The following CRHR2 variants were observed in gnomAD, a reference collection of about 807,000 sequenced individuals.
CRHR2 encodes corticotropin-releasing hormone receptor 2.
A neutral mutation model predicts 57.9 loss-of-function variants in CRHR2; 53 were observed. The ratio of observed to expected loss-of-function variants is 0.92; its 90% CI spans 0.73 to 1.15. The LOEUF is 1.15. CRHR2 is among the 50% of genes most tolerant of loss of function. The probability of loss-of-function intolerance (pLI) is 0.00; values close to 1 mark genes in which losing one functional copy is unlikely to be tolerated. For missense variants in CRHR2, 532 were observed against 542.6 expected, an observed-to-expected ratio of 0.98 and a Z score of 0.19; for synonymous variants, 213 against 220.9, an observed-to-expected ratio of 0.96 and a Z score of 0.32.
intron 8 of CRHR2, among the ~76,000 whole-genome samples, chr7:30,659,483 C>T (rs1783912297): frequency 6.6e-6 from 1 of 152,154 alleles, no homozygotes; most frequent in Admixed American, 6.5e-5. Context: ...CATGGGGTTT[C>T]CATACACACT....
At chr7:30,699,838 A>G (rs1186624863) in intron 1 of CRHR2, 1 of 810,362 alleles carries the variant, frequency 1.2e-6, no homozygotes, top group Non-Finnish European at 1.8e-6. Flanking sequence ...AGGATCCCCG[A>G]TCCAGCCCAG....
At chr7:30,672,510 T>C (rs928024704) in intron 2 of CRHR2, among the ~76,000 whole-genome samples, 27 of 152,254 alleles carry the variant, frequency 1.8e-4, no homozygotes, top group African/African-American at 6.0e-4. Context: ...TCATTGAAGG[T>C]AGGAGGCTCA....
rs1180671246 is a variant in CRHR2, at chr7:30,670,353, T to G, written c.230-3040A>C. Reference sequence around the variant, plus strand: ...CTTTGGACCTAATCCTTCTTTTCTTTGCTACTGGACTTGAGCTCCTTGGGG... The same window carrying G: ...CTTTGGACCTAATCCTTCTTTTCTTGGCTACTGGACTTGAGCTCCTTGGGG... On this transcript the variant is annotated intron_variant, in intron 2 of 11. Transcript: ENST00000471646. Among the ~76,000 whole-genome samples the G allele has an allele frequency of 2.0e-5, 3 of 152,216 alleles. No individual in the cohort carries two copies. The East Asian group carries it at 5.8e-4, about 29-fold the overall frequency.
chr7:30,652,467 G>C lies in CRHR2; in HGVS notation c.*993C>G, dbSNP rs1783626963. The stretch of plus-strand genomic sequence containing the variant: ...TCAGAGAGAGAGAGAACTGGCCCGA[G>C]GCCAGGGCCCGAGCCCACTAAGGAA... On this transcript the variant is annotated 3_prime_UTR_variant, in exon 12 of 12. Transcript: ENST00000471646. The surrounding 1 kb of genome is among the most constrained non-coding windows in gnomAD (Gnocchi z 4.4). The C allele has an allele frequency of 6.6e-6, 1 of 152,290 alleles. No individual in the cohort carries two copies. The highest frequency in any genetic ancestry group is 1.5e-5 in the Non-Finnish European group (1 of 68,102). 9.4% of individuals were successfully genotyped at this position (152,290 alleles called of 1,614,324 possible).
At chr7:30,666,021 T>G (rs1210502803) in intron 3 of CRHR2, among the ~76,000 whole-genome samples, 1 of 152,144 alleles carries the variant, frequency 6.6e-6, no homozygotes, top group East Asian at 1.9e-4. Flanking sequence ...CCACTGTGCC[T>G]GGCACCAACA....
At chr7:30,672,652 C>A (rs893916680) in intron 2 of CRHR2, among the ~76,000 whole-genome samples, 1 of 152,230 alleles carries the variant, frequency 6.6e-6, no homozygotes, top group Admixed American at 6.5e-5. Context: ...GGTAGGCTGA[C>A]CCAGCTGCCA....
At chr7:30,680,228 A>G (rs1049102225) in intron 2 of CRHR2, among the ~76,000 whole-genome samples, 1 of 151,726 alleles carries the variant, frequency 6.6e-6, no homozygotes, top group Admixed American at 6.6e-5. Context: ...GTCTGTTGCA[A>G]TTGTGAGTGA....
chr7:30,695,684 C>G (rs552330819), intron 1 of CRHR2, among the ~76,000 whole-genome samples: 7 of 152,298 alleles, frequency 4.6e-5, no homozygotes, highest in Admixed American at 4.6e-4. Flanking sequence ...GCATAAAAGT[C>G]ACATCTCTTC....
chr7:30,672,169 C>A (rs982407306), intron 2 of CRHR2, among the ~76,000 whole-genome samples: 1 of 152,200 alleles, frequency 6.6e-6, no homozygotes, highest in Non-Finnish European at 1.5e-5. Flanking sequence ...TAATTCATGC[C>A]CCTTTTCAAG....
Position 30,655,079 on chromosome 7 carries a change from C to A in CRHR2, c.1055G>T (p.Gly352Val), listed in dbSNP as rs776658451. Residue 352 changes from glycine to valine, a missense_variant and splice_region_variant, in exon 11 of 12, where the codon GGT (glycine) becomes GTT (valine). Coordinates refer to ENST00000471646, the MANE Select transcript of CRHR2 (RefSeq NM_001883.5). ...GCAGTAGAAGACAGACACGAAGAAA[C>A]CCTGGAAAGGAGGGAAAGGAGGGAG... ...YFNSFLQSFQGFFVSVFYCFF... is the reference protein window; with the variant it reads ...YFNSFLQSFQVFFVSVFYCFF... The A allele has an allele frequency of 3.1e-6, 5 of 1,613,412 alleles. No individual in the cohort carries two copies. Among genetic ancestry groups the A allele is most frequent in the Non-Finnish European group, 3.4e-6 (4 of 1,179,630 alleles).
intron 11 of CRHR2, chr7:30,654,561 C>T (rs1783704325): frequency 5.5e-6 from 5 of 916,768 alleles, no homozygotes; most frequent in Non-Finnish European, 8.1e-6. Flanking sequence ...GGGCTTTGGG[C>T]CTCATGATTG....
intron 2 of CRHR2, among the ~76,000 whole-genome samples, chr7:30,688,428 G>A (rs1784896288): frequency 6.6e-6 from 1 of 152,206 alleles, no homozygotes; most frequent in Non-Finnish European, 1.5e-5. Context: ...GAAGAGCTAG[G>A]ATCCAGACTT....
At chr7:30,679,789 A>C (rs1215157328) in intron 2 of CRHR2, among the ~76,000 whole-genome samples, 1 of 152,194 alleles carries the variant, frequency 6.6e-6, no homozygotes, top group Non-Finnish European at 1.5e-5. Context: ...CAAACAGAGA[A>C]GCAGGAAGCA....
rs747335005 is a variant in CRHR2 at position 30,682,346 on chromosome 7, G to A, written c.-66C>T. 6.9e-5 allele frequency: 100 copies of A among 1,450,124 alleles called. No individual in the cohort carries two copies. Among genetic ancestry groups the A allele is most frequent in the Admixed American group, 1.0e-4 (4 of 39,948 alleles). 89.8% of individuals were successfully genotyped at this position (1,450,124 alleles called of 1,614,324 possible). ...CGCCCGGCGTGACTGCGAGGGAGTG[G>A]ACGCGAGAGTGAGCGGCCGAGAGGG... On this transcript the variant is annotated 5_prime_UTR_variant, in exon 1 of 12. Transcript: ENST00000471646.
chr7:30,667,253 T>G lies in CRHR2; in HGVS notation c.290A>C (p.Gln97Pro), dbSNP rs762927151. 6.2e-7 allele frequency: 1 copy of G among 1,614,166 alleles called. No homozygotes were observed. Among genetic ancestry groups the G allele is most frequent in the South Asian group, 1.1e-5 (1 of 91,092 alleles). The change falls in exon 3 of 12, where the codon CAG becomes CCG. Residue 97 changes from glutamine to proline, a missense_variant. Transcript: ENST00000471646. Reference sequence around the variant, plus strand: ...CTTGTCATCCAAAATGGGCTCACACTGTGAGTAGTTGATCTTTGAGGCCCA... The same window carrying G: ...CTTGTCATCCAAAATGGGCTCACACGGTGAGTAGTTGATCTTTGAGGCCCA... ...GTWASKINYS[Q>P]CEPILDDKQR...
exon 1 of CRHR2, chr7:30,699,992 T>G (rs1292129485): frequency 8.9e-6 from 13 of 1,468,680 alleles, no homozygotes; most frequent in Non-Finnish European, 1.2e-5. Flanking sequence ...GGAGGAGGTG[T>G]GGGACGTAGA....
chr7:30,687,944 G>A (rs1784886791), intron 2 of CRHR2, among the ~76,000 whole-genome samples: 1 of 152,218 alleles, frequency 6.6e-6, no homozygotes, highest in South Asian at 2.1e-4. Flanking sequence ...AGCCTCCGAG[G>A]TGGACTTAGA....
intron 2 of CRHR2, among the ~76,000 whole-genome samples, chr7:30,672,618 A>C (rs2267712): frequency 0.83 from 126,920 of 152,186 alleles, 53,107 homozygotes; most frequent in Middle Eastern, 0.86. Flanking sequence ...AGGAGGAAGC[A>C]AGGTCTCACA....
chr7:30,685,603 C>T (rs977817190), upstream of CRHR2, among the ~76,000 whole-genome samples: 2 of 152,216 alleles, frequency 1.3e-5, no homozygotes, highest in African/African-American at 4.8e-5. Context: ...CCCTATCCTA[C>T]TCCACTGCAG....
Sources: gnomAD v4.1 joint callset for allele counts (sites outside exome capture counted in the v4.1 genomes callset) on GRCh38, gnomAD v4.1.1 for gene constraint, Gnocchi (gnomAD v3.1) non-coding constraint, MANE v1.5 for transcripts, NCBI Gene and HGNC (gene_info 2026-07-23, HGNC 2026-07-21) for gene names.